Variants in VRK2 observed in about 807,000 individuals in gnomAD.
VRK2 encodes VRK serine/threonine kinase 2.
A neutral mutation model predicts 57.6 loss-of-function variants in VRK2; 60 were observed. The observed-to-expected ratio is 1.04, with a 90% CI of 0.85 to 1.29. The LOEUF is 1.29. Among genes scored for constraint, VRK2 ranks in the 50% most tolerant of loss-of-function variants. The probability of loss-of-function intolerance (pLI) is 0.00; values close to 1 mark genes in which losing one functional copy is unlikely to be tolerated. For missense variants in VRK2, 705 were observed against 588.1 expected, an observed-to-expected ratio of 1.20 and a Z score of -2.06; for synonymous variants, 231 against 199.2, an observed-to-expected ratio of 1.16 and a Z score of -1.35.
At chr2:57,939,336 T>C (rs1183627008) in intron 1 of VRK2, among the ~76,000 whole-genome samples, 2 of 152,192 alleles carry the variant, frequency 1.3e-5, no homozygotes, top group African/African-American at 4.8e-5. Flanking sequence ...TTGATCCTGC[T>C]CAAAATCAAT....
At chr2:58,068,366 T>C (rs1296557583) in intron 2 of VRK2, among the ~76,000 whole-genome samples, 1 of 152,200 alleles carries the variant, frequency 6.6e-6, no homozygotes, top group African/African-American at 2.4e-5. Flanking sequence ...TTTTCCCATC[T>C]TCATCATTTC....
chr2:57,952,853 G>A (rs564176613), intron 1 of VRK2, among the ~76,000 whole-genome samples: 143 of 152,068 alleles, frequency 9.4e-4, no homozygotes, highest in South Asian at 1.9e-3. Context: ...GAAACCTAAA[G>A]TCTGCCATGG....
At chr2:58,001,879 T>A (rs1342300881) in intron 1 of VRK2, among the ~76,000 whole-genome samples, 4 of 152,080 alleles carry the variant, frequency 2.6e-5, no homozygotes, top group African/African-American at 9.7e-5. Context: ...GAGACTTTAT[T>A]TTCTTCCATT....
At chr2:58,152,412 G>A (rs1425179330) in intron 12 of VRK2, among the ~76,000 whole-genome samples, 1 of 151,574 alleles carries the variant, frequency 6.6e-6, no homozygotes, top group Non-Finnish European at 1.5e-5. Context: ...GTTGTTATAC[G>A]TTTTGCTTTT....
chr2:58,062,727 G>A (rs1346619427), intron 2 of VRK2, among the ~76,000 whole-genome samples: 3 of 152,010 alleles, frequency 2.0e-5, no homozygotes, highest in Non-Finnish European at 4.4e-5. Context: ...CAGAAGAAAC[G>A]TTTGAAGCTA....
Position 57,966,090 on chromosome 2 carries a change from T to C in VRK2, c.-439+58251T>C, listed in dbSNP as rs114720828. Among the ~76,000 whole-genome samples the C allele has an allele frequency of 4.5e-3, 687 of 152,248 alleles. 3 individuals are homozygous for C. Among genetic ancestry groups the C allele is most frequent in the African/African-American group, 0.015 (617 of 41,536 alleles). ...AAGGAGTGAACCTGCTACTACTCCA[T>C]AGATGCCAGAAGTAGGCAACAAGAC... On this transcript the variant is annotated intron_variant, in intron 1 of 15. Transcript: ENST00000417641.
At chr2:58,064,854 G>T (rs1668407121) in intron 2 of VRK2, among the ~76,000 whole-genome samples, 1 of 151,898 alleles carries the variant, frequency 6.6e-6, no homozygotes, top group Non-Finnish European at 1.5e-5. Context: ...GTGTGATTAA[G>T]AAAACATAAA....
At chr2:57,981,717 G>C (rs1558524612) in intron 1 of VRK2, among the ~76,000 whole-genome samples, 1 of 152,240 alleles carries the variant, frequency 6.6e-6, no homozygotes, top group South Asian at 2.1e-4. Flanking sequence ...CATATTTCTT[G>C]GAGATTTTAT....
upstream of VRK2, chr2:58,046,660 G>A (rs970501639): frequency 9.1e-6 from 9 of 985,530 alleles, no homozygotes; most frequent in African/African-American, 1.6e-4. Context: ...GCCGCTGAAA[G>A]GAACCGGCTG....
intron 1 of VRK2, among the ~76,000 whole-genome samples, chr2:57,997,243 G>C (rs1672953328): frequency 6.6e-6 from 1 of 151,990 alleles, no homozygotes; most frequent in Non-Finnish European, 1.5e-5. Flanking sequence ...TAGTTATAAT[G>C]ATAACTAGAT....
At chr2:58,096,141 G>A (rs1558630711) in intron 7 of VRK2, among the ~76,000 whole-genome samples, 3 of 151,968 alleles carry the variant, frequency 2.0e-5, no homozygotes, top group South Asian at 4.1e-4. Context: ...AAATCTTGAT[G>A]TGTTATGGCA....
chr2:58,109,353 G>A (rs1675217882), intron 7 of VRK2, among the ~76,000 whole-genome samples: 1 of 151,684 alleles, frequency 6.6e-6, no homozygotes, highest in Non-Finnish European at 1.5e-5. Context: ...TAAAATAGCA[G>A]ATTCATGTGG....
At chr2:58,138,580 A>G (rs1312144284) in intron 10 of VRK2, among the ~76,000 whole-genome samples, 1 of 152,144 alleles carries the variant, frequency 6.6e-6, no homozygotes, top group Non-Finnish European at 1.5e-5. Flanking sequence ...TTTTCTCTAT[A>G]GGGAGTGAAA....
intron 2 of VRK2, among the ~76,000 whole-genome samples, chr2:58,071,424 C>T (rs778791527): frequency 6.6e-6 from 1 of 151,920 alleles, no homozygotes; most frequent in Non-Finnish European, 1.5e-5. Context: ...AGAAGTTTAT[C>T]GTTTTTGCAT....
chr2:57,972,387 A>G (rs1312757456), intron 1 of VRK2, among the ~76,000 whole-genome samples: 3 of 151,902 alleles, frequency 2.0e-5, no homozygotes, highest in East Asian at 3.9e-4. Context: ...AATAACATTA[A>G]TGTGTTTATT....
Position 58,067,512 on chromosome 2 carries a change from A to G in VRK2, c.137-16577A>G, listed in dbSNP as rs547318846. On this transcript the variant is annotated intron_variant, in intron 2 of 12. Coordinates refer to ENST00000340157, the MANE Select transcript of VRK2 (RefSeq NM_006296.7). ...ATTTTTGATGTTGCTCTTTCAAATC[A>G]TGTTTTCTTTTTTGTCTTGATACAA... Among the ~76,000 whole-genome samples, 205 of 152,122 alleles carry G rather than the reference A, an allele frequency of 1.3e-3. 1 individual carries two copies. The highest frequency in any genetic ancestry group is 1.5e-3 in the Non-Finnish European group (103 of 67,978).
At chr2:58,098,566 G>A (rs766566557) in intron 7 of VRK2, among the ~76,000 whole-genome samples, 92 of 151,942 alleles carry the variant, frequency 6.1e-4, no homozygotes, top group Non-Finnish European at 1.2e-4. Flanking sequence ...TTGTGTTACA[G>A]TTGTCTGCAG....
intron 1 of VRK2, among the ~76,000 whole-genome samples, chr2:57,956,810 C>T (rs1221901349): frequency 6.6e-6 from 1 of 152,112 alleles, no homozygotes; most frequent in Non-Finnish European, 1.5e-5. Context: ...CCAGGTTTCA[C>T]TAACTTGTTA....
At chr2:58,119,431 C>G (rs997919991) in intron 7 of VRK2, among the ~76,000 whole-genome samples, 1 of 145,982 alleles carries the variant, frequency 6.9e-6, no homozygotes, top group Non-Finnish European at 1.5e-5. Context: ...GAGCCGAGAT[C>G]GCGCCACTGC....
Sources: allele counts gnomAD v4.1 joint callset (sites outside exome capture counted in the v4.1 genomes callset), GRCh38; gene constraint gnomAD v4.1.1; transcripts MANE v1.5; gene names NCBI Gene and HGNC (gene_info 2026-07-23, HGNC 2026-07-21).